The following XKR9 variants were observed in gnomAD, a reference collection of about 807,000 sequenced individuals.
XKR9 encodes the protein XK related 9.
A neutral mutation model predicts 32.0 loss-of-function variants in XKR9; 32 were observed. That is an observed-to-expected ratio of 1.00 (90% CI 0.76 to 1.34). The LOEUF is 1.34. XKR9 is among the 40% of genes most tolerant of loss of function. The pLI is 0.00. For missense variants in XKR9, 546 were observed against 429.7 expected (o/e 1.27, Z -2.39); for synonymous variants, 168 against 143.4 (o/e 1.17, Z -1.22).
the XKR9 span, among the ~76,000 whole-genome samples, chr8:70,886,159 T>G: frequency 1.8e-4 from 28 of 152,154 alleles, no homozygotes; most frequent in Non-Finnish European, 3.8e-4. Flanking sequence ...TCCCTTCCTG[T>G]GTTATTTTGC....
At chr8:70,914,150 G>A in the XKR9 span, among the ~76,000 whole-genome samples, 967 of 152,194 alleles carry the variant, frequency 6.4e-3, 18 homozygotes, top group African/African-American at 0.022. Context: ...CTGTAGCCTT[G>A]GTTTTCTGAG....
Position 70,735,022 on chromosome 8 carries a change from C to G in XKR9, c.*598C>G, listed in dbSNP as rs748670500. The G allele has an allele frequency of 6.6e-6, 1 of 152,126 alleles. No individual in the cohort carries two copies. Among genetic ancestry groups the G allele is most frequent in the African/African-American group, 2.4e-5 (1 of 41,422 alleles). The allele number at this position is 152,126 out of a possible 1,614,324, so 9.4% of individuals were successfully genotyped here. A position where few individuals can be genotyped will look rare whatever the true frequency, so the allele number is the denominator to read the frequency against. The stretch of plus-strand genomic sequence containing the variant: ...CCTAGCTTTTCTGAATTAATGCACT[C>G]TTAACATATAATTATATTAATCCTA... On this transcript the variant is annotated 3_prime_UTR_variant, in exon 5 of 5. Coordinates refer to ENST00000408926, the MANE Select transcript of XKR9 (RefSeq NM_001011720.2).
At chr8:70,990,187 A>G in the XKR9 span, among the ~76,000 whole-genome samples, 1 of 152,216 alleles carries the variant, frequency 6.6e-6, no homozygotes, top group African/African-American at 2.4e-5. Flanking sequence ...ATAATCAAGT[A>G]AAATAATGCC....
chr8:70,777,714 T>C (rs1237775231), intron 2 of XKR9, among the ~76,000 whole-genome samples: 2 of 152,222 alleles, frequency 1.3e-5, no homozygotes, highest in Admixed American at 6.5e-5. Flanking sequence ...CCAGTGATGA[T>C]GAGCATTTTT....
At chr8:71,043,959 T>A in the XKR9 span, among the ~76,000 whole-genome samples, 13 of 152,170 alleles carry the variant, frequency 8.5e-5, no homozygotes, top group African/African-American at 2.7e-4. Context: ...AAAAAATGGC[T>A]TAAGGTTAAA....
chr8:71,035,316 G>A, the XKR9 span, among the ~76,000 whole-genome samples: 1 of 152,118 alleles, frequency 6.6e-6, no homozygotes, highest in African/African-American at 2.4e-5. Flanking sequence ...TAAATAGGAG[G>A]TTTTCTAACC....
intron 3 of XKR9, among the ~76,000 whole-genome samples, chr8:70,696,066 T>C (rs1373203797): frequency 1.3e-5 from 2 of 151,664 alleles, no homozygotes; most frequent in East Asian, 1.9e-4. Flanking sequence ...GAGTTCATTG[T>C]AGATTCTGGA....
At chr8:70,685,833 A>G (rs916366966) in intron 3 of XKR9, among the ~76,000 whole-genome samples, 1 of 151,708 alleles carries the variant, frequency 6.6e-6, no homozygotes, top group South Asian at 2.1e-4. Flanking sequence ...ATGTATACAT[A>G]TGTAACTAAC....
the XKR9 span, among the ~76,000 whole-genome samples, chr8:70,830,137 G>T: frequency 3.3e-5 from 5 of 152,120 alleles, no homozygotes; most frequent in Non-Finnish European, 4.4e-5. Flanking sequence ...AAATTTGTTG[G>T]TCTGTTTTCT....
the XKR9 span, among the ~76,000 whole-genome samples, chr8:70,881,955 C>G: frequency 2.1e-4 from 32 of 152,272 alleles, no homozygotes; most frequent in African/African-American, 7.5e-4. Flanking sequence ...GAGTTCATGT[C>G]CTTTGCAGGG....
the XKR9 span, among the ~76,000 whole-genome samples, chr8:70,981,135 G>A: frequency 7.9e-5 from 12 of 152,176 alleles, no homozygotes; most frequent in South Asian, 1.2e-3. Flanking sequence ...ATCTTTTTGC[G>A]ATGAATTTCC....
chr8:70,669,458 GT>G lies in XKR9; in HGVS notation c.-438del, dbSNP rs1383197218. On this transcript the variant is annotated 5_prime_UTR_variant, in exon 1 of 5. Coordinates refer to ENST00000408926, the MANE Select transcript of XKR9 (RefSeq NM_001011720.2). Reference sequence around the variant, plus strand: ...TGTCACGGGGGCTGGTGCCTCACGGGTTTGTGTCCTAGACAGGCGAGTGGAT... The same window carrying G: ...TGTCACGGGGGCTGGTGCCTCACGGGTTGTGTCCTAGACAGGCGAGTGGAT... 3.2e-6 allele frequency: 1 copy of G among 315,344 alleles called. No homozygotes were observed. The highest frequency in any genetic ancestry group is 6.0e-6 in the Non-Finnish European group (1 of 167,338). 19.5% of individuals were successfully genotyped at this position (315,344 alleles called of 1,614,324 possible).
the XKR9 span, among the ~76,000 whole-genome samples, chr8:71,025,901 A>G: frequency 0.43 from 65,754 of 151,906 alleles, 15,275 homozygotes; most frequent in Non-Finnish European, 0.53. Context: ...CATGTTCATT[A>G]GGCCATTTCA....
chr8:70,757,842 C>T (rs1586886206), intron 2 of XKR9, among the ~76,000 whole-genome samples: 1 of 152,176 alleles, frequency 6.6e-6, no homozygotes, highest in South Asian at 2.1e-4. Context: ...CCACCTCAGC[C>T]TCCCAAAGTG....
chr8:70,685,411 C>A (rs537176681), intron 3 of XKR9, among the ~76,000 whole-genome samples: 1 of 138,786 alleles, frequency 7.2e-6, no homozygotes, highest in Non-Finnish European at 1.6e-5. Context: ...CGAGTTAATG[C>A]ATGCAGCACA....
At chr8:70,911,973 A>G in the XKR9 span, among the ~76,000 whole-genome samples, 12 of 152,210 alleles carry the variant, frequency 7.9e-5, no homozygotes, top group Non-Finnish European at 1.6e-4. Flanking sequence ...GGAAGCCTGT[A>G]GGAGTTAATA....
intron 4 of XKR9, among the ~76,000 whole-genome samples, chr8:70,723,288 G>A (rs1048321781): frequency 1.3e-5 from 2 of 152,102 alleles, no homozygotes; most frequent in African/African-American, 2.4e-5. Flanking sequence ...ACCTTCTGAA[G>A]CCTACTTCTG....
chr8:70,728,790 G>GGTGCA (rs1164003658), intron 4 of XKR9, among the ~76,000 whole-genome samples: 4 of 152,044 alleles, frequency 2.6e-5, no homozygotes, highest in Admixed American at 2.6e-4. Flanking sequence ...TATTGCATAC[G>GGTGCA]GTGCAGCAAG....
At chr8:71,013,203 G>A in the XKR9 span, among the ~76,000 whole-genome samples, 1 of 152,182 alleles carries the variant, frequency 6.6e-6, no homozygotes, top group East Asian at 1.9e-4. Context: ...TGTAGAAAGA[G>A]TATCTAGAGG....
Sources: allele counts gnomAD v4.1 joint callset (sites outside exome capture counted in the v4.1 genomes callset), GRCh38; gene constraint gnomAD v4.1.1; transcripts MANE v1.5; gene names NCBI Gene and HGNC (gene_info 2026-07-23, HGNC 2026-07-21).